The following KAZN variants were observed in gnomAD, a reference collection of about 807,000 sequenced individuals.
The protein encoded by KAZN is kazrin.
KAZN carries 40 observed loss-of-function variants against 87.4 expected under a neutral mutation model. That is an observed-to-expected ratio of 0.46 (90% CI 0.36 to 0.60). KAZN has a LOEUF of 0.60. Ranked by LOEUF, KAZN falls within the 20% of genes least tolerant of loss-of-function variation. The pLI, the probability that KAZN is intolerant of heterozygous loss-of-function variation, is 0.00. For synonymous variants in KAZN, 466 were observed against 458.3 expected (o/e 1.02, Z -0.22); for missense variants, 898 against 1,073.9 (o/e 0.84, Z 2.29).
At chr1:14,212,289 C>G (rs536263000) in intron 2 of KAZN, among the ~76,000 whole-genome samples, 1 of 152,108 alleles carries the variant, frequency 6.6e-6, no homozygotes, top group Non-Finnish European at 1.5e-5. Flanking sequence ...CTGTGATTGA[C>G]GAAACCTCTC....
chr1:14,484,435 T>C (rs1669243627), intron 2 of KAZN, among the ~76,000 whole-genome samples: 1 of 152,230 alleles, frequency 6.6e-6, no homozygotes, highest in Admixed American at 6.5e-5. Flanking sequence ...TGTTTCAAAA[T>C]ATCAGGTTGT....
chr1:14,775,399 G>A (rs185068665), intron 1 of KAZN, among the ~76,000 whole-genome samples: 91 of 152,306 alleles, frequency 6.0e-4, no homozygotes, highest in South Asian at 1.5e-3. Flanking sequence ...CTGTTCCTTC[G>A]TCAGGTTTGA....
At chr1:14,005,418 A>G (rs1174668794) in intron 1 of KAZN, among the ~76,000 whole-genome samples, 2 of 152,320 alleles carry the variant, frequency 1.3e-5, no homozygotes, top group East Asian at 3.9e-4. Flanking sequence ...ATAACCAGGT[A>G]GAAAGTGTCT....
chr1:14,858,203 C>CTTTTTTTTTTTT (rs1388659468), intron 1 of KAZN, among the ~76,000 whole-genome samples: 15 of 95,100 alleles, frequency 1.6e-4, no homozygotes, highest in African/African-American at 5.3e-4. Flanking sequence ...TTTCTTTTTT[C>CTTTTTTTTTTTT]TTTTTCTTTT....
chr1:14,214,128 T>C (rs1056238287), intron 2 of KAZN, among the ~76,000 whole-genome samples: 1 of 152,198 alleles, frequency 6.6e-6, no homozygotes, highest in African/African-American at 2.4e-5. Context: ...GAATCATCTA[T>C]GTATAATTGA....
intron 1 of KAZN, among the ~76,000 whole-genome samples, chr1:14,725,063 G>A (rs1405755686): frequency 6.6e-6 from 1 of 152,176 alleles, no homozygotes; most frequent in East Asian, 1.9e-4. Context: ...CATTCCTCTT[G>A]TAATTTACCA....
intron 2 of KAZN, among the ~76,000 whole-genome samples, chr1:14,246,385 C>G (rs1365984431): frequency 6.6e-6 from 1 of 151,912 alleles, no homozygotes; most frequent in Non-Finnish European, 1.5e-5. Context: ...ATAGCTTTAC[C>G]CATATTTTAT....
chr1:14,646,213 A>G (rs1486297704), intron 1 of KAZN, among the ~76,000 whole-genome samples: 1 of 152,156 alleles, frequency 6.6e-6, no homozygotes, highest in Non-Finnish European at 1.5e-5. Flanking sequence ...AAATTCATGG[A>G]TTTATACATC....
intron 1 of KAZN, among the ~76,000 whole-genome samples, chr1:14,801,692 G>GT (rs373600027): frequency 0.21 from 30,506 of 146,704 alleles, 3,265 homozygotes; most frequent in Admixed American, 0.25. Flanking sequence ...TTGTTTTTTT[G>GT]TTTTTTTTTT....
In KAZN at chr1:14,473,540, T is replaced by G. The variant is rs534941614; in HGVS notation, c.250-125443T>G. Among the ~76,000 whole-genome samples, 3 of 151,226 alleles carry G rather than the reference T, an allele frequency of 2.0e-5. No individual in the cohort carries two copies. In the South Asian group the frequency reaches 6.3e-4, roughly 32 times the overall value. ...TACTTGGGAAGCTGAGGCAGGAGAA[T>G]CGCTTGAACCGGGGAGGCAGAGATT... On this transcript the variant is annotated intron_variant, in intron 2 of 16. Transcript: ENST00000636203.
chr1:13,912,613 C>CTT (rs35580403), intron 1 of KAZN, among the ~76,000 whole-genome samples: 1 of 151,756 alleles, frequency 6.6e-6, no homozygotes, highest in Admixed American at 6.6e-5. Flanking sequence ...TAATGCAATT[C>CTT]TTTTTTTTGA....
intron 1 of KAZN, among the ~76,000 whole-genome samples, chr1:14,162,843 C>T (rs946819291): frequency 2.0e-5 from 3 of 152,134 alleles, no homozygotes; most frequent in African/African-American, 2.4e-5. Flanking sequence ...CACGCTTGGC[C>T]GGCTTTATCT....
chr1:14,246,474 G>T (rs990240443), intron 2 of KAZN, among the ~76,000 whole-genome samples: 3 of 150,470 alleles, frequency 2.0e-5, no homozygotes, highest in African/African-American at 4.8e-5. Flanking sequence ...AAATTGTAAG[G>T]ATTTTTTCAT....
chr1:14,563,874 C>CCTTTTTTTTTTTTTTTTTTT (rs1674392676), intron 2 of KAZN, among the ~76,000 whole-genome samples: 1 of 97,928 alleles, frequency 1.0e-5, no homozygotes, highest in African/African-American at 3.3e-5. Context: ...GTTCAAACTC[C>CCTTTTTTTTTTTTTTTTTTT]TTTTTTTTTT....
At chr1:14,326,107 T>A (rs772069732) in intron 2 of KAZN, among the ~76,000 whole-genome samples, 1 of 152,206 alleles carries the variant, frequency 6.6e-6, no homozygotes, top group Non-Finnish European at 1.5e-5. Context: ...AACTGCTTAA[T>A]TGACATCTCC....
intron 1 of KAZN, among the ~76,000 whole-genome samples, chr1:14,681,361 T>A (rs929307230): frequency 6.6e-6 from 1 of 152,026 alleles, no homozygotes; most frequent in Non-Finnish European, 1.5e-5. Flanking sequence ...TGTGGACATA[T>A]GTTTTCATTT....
chr1:14,614,796 T>A (rs1323543006), intron 1 of KAZN, among the ~76,000 whole-genome samples: 1 of 152,246 alleles, frequency 6.6e-6, no homozygotes, highest in Non-Finnish European at 1.5e-5. Context: ...TATGAAAGAT[T>A]TGTTTGAACA....
intron 1 of KAZN, among the ~76,000 whole-genome samples, chr1:14,919,968 C>T (rs1415847389): frequency 6.6e-6 from 1 of 152,040 alleles, no homozygotes; most frequent in Non-Finnish European, 1.5e-5. Context: ...ACAAAATTGC[C>T]TACCAATGCA....
chr1:14,296,498 C>T (rs1654120419), intron 2 of KAZN, among the ~76,000 whole-genome samples: 1 of 152,158 alleles, frequency 6.6e-6, no homozygotes, highest in Non-Finnish European at 1.5e-5. Context: ...CTGGTGCCTA[C>T]CTCAAGGTCC....
Sources: gnomAD v4.1 joint callset for allele counts (sites outside exome capture counted in the v4.1 genomes callset) on GRCh38, gnomAD v4.1.1 for gene constraint, MANE v1.5 for transcripts, NCBI Gene and HGNC (gene_info 2026-07-23, HGNC 2026-07-21) for gene names.